Variants in C7orf57 observed in about 807,000 individuals in gnomAD.
The protein encoded by C7orf57 is chromosome 7 open reading frame 57.
Under a neutral mutation model 39.0 loss-of-function variants are expected in C7orf57, and 33 were observed. That is an observed-to-expected ratio of 0.85 (90% CI 0.64 to 1.13). The LOEUF (loss-of-function observed/expected upper bound fraction) is 1.13. Among genes scored for constraint, C7orf57 ranks in the 50% most tolerant of loss-of-function variants. The pLI is 0.00. For missense variants in C7orf57, 346 were observed against 362.3 expected (o/e 0.95, Z 0.37); for synonymous variants, 124 against 137.1 (o/e 0.90, Z 0.67).
Position 48,041,448 on chromosome 7 carries a change from G to C in C7orf57, c.170G>C (p.Gly57Ala). ...LGDSHSENLP[G>A]TRRYWIKETD... ...GACTCACACAGCGAGAACCTGCCTGGGACTCGGAGATACTGGATAAAAGAA... is the reference window on the plus strand; with the variant it reads ...GACTCACACAGCGAGAACCTGCCTGCGACTCGGAGATACTGGATAAAAGAA... Residue 57 changes from glycine to alanine, a missense_variant, in exon 3 of 9, where the codon GGG (glycine) becomes GCG (alanine). Physicochemically the swap from Gly to Ala is moderately conservative, Grantham distance 60. Transcript: ENST00000348904. 6.2e-7 allele frequency: 1 copy of C among 1,613,922 alleles called. No homozygotes were observed. Among genetic ancestry groups the C allele is most frequent in the Non-Finnish European group, 8.5e-7 (1 of 1,179,858 alleles).
intron 6 of C7orf57, among the ~76,000 whole-genome samples, chr7:48,051,130 A>G (rs756003388): frequency 1.3e-5 from 2 of 152,162 alleles, no homozygotes; most frequent in Non-Finnish European, 2.9e-5. Context: ...TAAGAGAGTA[A>G]AATAGCAGCA....
intron 2 of C7orf57, among the ~76,000 whole-genome samples, chr7:48,038,291 C>T (rs1052941416): frequency 2.0e-5 from 3 of 152,116 alleles, no homozygotes; most frequent in Non-Finnish European, 4.4e-5. Flanking sequence ...TCAATTTATT[C>T]AGTACTATTT....
intron 2 of C7orf57, 137 bp downstream of exon 2, chr7:48,036,500 A>G: frequency 1.3e-6 from 1 of 784,522 alleles, no homozygotes; most frequent in Non-Finnish European, 1.9e-6. Flanking sequence ...TGATAAAACT[A>G]ACAAGTCAAA....
In C7orf57 at chr7:48,060,131, A is replaced by G. The variant is rs1331005491; in HGVS notation, c.842-95A>G. Reference sequence around the variant, plus strand: ...TCAGAAATAATCCTTATTAATAGGTACAAAACTATGTGTTTTCTTATATTT... The same window carrying G: ...TCAGAAATAATCCTTATTAATAGGTGCAAAACTATGTGTTTTCTTATATTT... On this transcript the variant is annotated intron_variant, in intron 8 of 8. Coordinates refer to ENST00000348904, the MANE Select transcript of C7orf57 (RefSeq NM_001100159.3). The G allele has an allele frequency of 1.1e-5, 9 of 819,714 alleles. No individual in the cohort carries two copies. The East Asian group carries it at 2.5e-4, about 23-fold the overall frequency. 50.8% of individuals were successfully genotyped at this position (819,714 alleles called of 1,614,324 possible). A position where few individuals can be genotyped will look rare whatever the true frequency, so the allele number is the denominator to read the frequency against.
At chr7:48,041,303 C>A in intron 2 of C7orf57, 31 bp from the exon 3 acceptor site, 1 of 1,583,580 alleles carries the variant, frequency 6.3e-7, no homozygotes. Context: ...CACACAGCAA[C>A]AGTGTGGCCC....
At chr7:48,057,781 G>A (rs2128799725) in intron 8 of C7orf57, among the ~76,000 whole-genome samples, 1 of 152,142 alleles carries the variant, frequency 6.6e-6, no homozygotes, top group Middle Eastern at 3.4e-3. Context: ...TTGTGTTGAG[G>A]TACATTTCCT....
At chr7:48,052,150 T>G (rs1345981584) in intron 6 of C7orf57, among the ~76,000 whole-genome samples, 1 of 151,954 alleles carries the variant, frequency 6.6e-6, no homozygotes, top group Non-Finnish European at 1.5e-5. Context: ...ATTTTTGTAT[T>G]TTTCGTGGAG....
Position 48,051,339 on chromosome 7 carries a change from G to A in C7orf57, c.606-1361G>A, listed in dbSNP as rs1562629136. 4.5e-5 allele frequency among the ~76,000 whole-genome samples: 5 copies of A among 110,084 alleles called. No individual in the cohort carries two copies. In the South Asian group the frequency reaches 1.6e-3, roughly 34 times the overall value. 72.2% of individuals were successfully genotyped at this position (110,084 alleles called of 152,430 possible). ...GGGACTATAGGTGCCTGCCACCACA[G>A]CTGGCTAATTTTTTTTTTTTTTTTT... On this transcript the variant is annotated intron_variant, in intron 6 of 8. Transcript: ENST00000348904.
intron 2 of C7orf57, among the ~76,000 whole-genome samples, chr7:48,040,896 T>C (rs1790527920): frequency 6.6e-6 from 1 of 152,244 alleles, no homozygotes; most frequent in Non-Finnish European, 1.5e-5. Context: ...GGTCAACATT[T>C]AGTCATGTAT....
Position 48,052,753 on chromosome 7 carries a change from G to A in C7orf57, c.659G>A (p.Gly220Asp), listed in dbSNP as rs1236989977. The change falls in exon 7 of 9, where the codon GGT (glycine) becomes GAT (aspartate). Residue 220 changes from glycine (G) to aspartate (D), a missense_variant. By Grantham distance (94) the Gly-to-Asp change is moderately conservative (BLOSUM62 -1). Coordinates refer to ENST00000348904, the MANE Select transcript of C7orf57 (RefSeq NM_001100159.3). ...AATTTTTCCAAACTCATTAGCAATG[G>A]TTATAAGGATGAGTGGTTGCAGCAG... ...PTNFSKLISNGYKDEWLQQQQ... is the reference protein window; with the variant it reads ...PTNFSKLISNDYKDEWLQQQQ... 1 of 1,613,900 alleles carries A rather than the reference G, an allele frequency of 6.2e-7. No individual in the cohort carries two copies. The highest frequency in any genetic ancestry group is 8.5e-7 in the Non-Finnish European group (1 of 1,179,908).
rs375391065 is a variant in C7orf57 at position 48,054,619 on chromosome 7, A to G, written c.841+13A>G. On this transcript the variant is annotated intron_variant, in intron 8 of 8. Coordinates refer to ENST00000348904, the MANE Select transcript of C7orf57 (RefSeq NM_001100159.3). ...GAGTCTTCTCAAAGTGAGTACTTAT[A>G]AAGTAACCAGCACCAAAACACAAAA... 6.5e-7 allele frequency: 1 copy of G among 1,548,838 alleles called. No individual in the cohort carries two copies. Among genetic ancestry groups the G allele is most frequent in the Non-Finnish European group, 8.7e-7 (1 of 1,144,468 alleles).
At chr7:48,055,523 CT>C (rs1462055393) in intron 8 of C7orf57, among the ~76,000 whole-genome samples, 1 of 152,054 alleles carries the variant, frequency 6.6e-6, no homozygotes, top group African/African-American at 2.4e-5. Flanking sequence ...TTATTATTAA[CT>C]TTATTCACCT....
Position 48,052,686 on chromosome 7 carries a change from T to G in C7orf57, c.606-14T>G, listed in dbSNP as rs771762933. ...CTTGTACTTAAGTTTCACATTACTT[T>G]TACTCTTTTTAAGGCCTGGTCAAAA... On this transcript the variant is annotated splice_polypyrimidine_tract_variant and intron_variant, in intron 6 of 8. Coordinates refer to ENST00000348904, the MANE Select transcript of C7orf57 (RefSeq NM_001100159.3). 2.5e-6 allele frequency: 4 copies of G among 1,608,630 alleles called. No individual in the cohort carries two copies. Among genetic ancestry groups the G allele is most frequent in the East Asian group, 4.5e-5 (2 of 44,860 alleles).
At chr7:48,039,937 T>C (rs904057981) in intron 2 of C7orf57, among the ~76,000 whole-genome samples, 1 of 152,156 alleles carries the variant, frequency 6.6e-6, no homozygotes, top group Non-Finnish European at 1.5e-5. Flanking sequence ...GTTTCTAAAG[T>C]TTTCAATCAG....
At chr7:48,038,500 C>A (rs928473471) in intron 2 of C7orf57, among the ~76,000 whole-genome samples, 7 of 152,110 alleles carry the variant, frequency 4.6e-5, no homozygotes, top group Non-Finnish European at 1.0e-4. Context: ...CAGTGCAGAC[C>A]AGCAGGCTGG....
chr7:48,038,616 A>G (rs1790457122), intron 2 of C7orf57, among the ~76,000 whole-genome samples: 1 of 152,230 alleles, frequency 6.6e-6, no homozygotes, highest in Non-Finnish European at 1.5e-5. Context: ...ACTTTCAATT[A>G]ACTGCCCACA....
At chr7:48,057,065 G>GTTTTTT (rs34277879) in intron 8 of C7orf57, among the ~76,000 whole-genome samples, 2 of 143,340 alleles carry the variant, frequency 1.4e-5, no homozygotes, top group Non-Finnish European at 1.5e-5. Flanking sequence ...CCATATATCT[G>GTTTTTT]TTTTTTTTTT....
intron 2 of C7orf57, 99 bp downstream of exon 2, chr7:48,036,462 A>T: frequency 1.7e-6 from 2 of 1,171,586 alleles, no homozygotes; most frequent in Non-Finnish European, 2.4e-6. Context: ...TGTGGGCTGG[A>T]GGGGGGTGTG....
intron 3 of C7orf57, among the ~76,000 whole-genome samples, chr7:48,043,005 A>AGGTGT (rs1318428265): frequency 6.6e-6 from 1 of 152,170 alleles, no homozygotes; most frequent in African/African-American, 2.4e-5. Flanking sequence ...GGAAACCTGG[A>AGGTGT]GGTGTGGCTT....
Sources: allele counts gnomAD v4.1 joint callset (sites outside exome capture counted in the v4.1 genomes callset), GRCh38; gene constraint gnomAD v4.1.1; transcripts MANE v1.5; gene names NCBI Gene and HGNC (gene_info 2026-07-23, HGNC 2026-07-21).